PTPRD: variants seen among roughly 807,000 people sequenced by gnomAD.
PTPRD encodes receptor-type tyrosine-protein phosphatase delta.
PTPRD carries 34 observed loss-of-function variants against 214.5 expected under a neutral mutation model. That is an observed-to-expected ratio of 0.16 (90% confidence interval 0.12 to 0.21). The LOEUF (loss-of-function observed/expected upper bound fraction) is 0.21. PTPRD is among the 10% of genes least tolerant of loss of function. The pLI is 1.00. For synonymous variants in PTPRD, 1,128 were observed against 845.7 expected (o/e 1.33, Z -5.79); for missense variants, 2,545 against 2,398.7 (o/e 1.06, Z -1.27).
At chr9:9,912,947 T>A (rs2079626767) in intron 5 of PTPRD, among the ~76,000 whole-genome samples, 2 of 152,086 alleles carry the variant, frequency 1.3e-5, no homozygotes, top group African/African-American at 4.8e-5. Flanking sequence ...TGCTCTTCCT[T>A]CTCTCTTTCT....
chr9:9,457,774 A>AG (rs111945174), intron 8 of PTPRD, among the ~76,000 whole-genome samples: 23,088 of 151,878 alleles, frequency 0.15, 1,861 homozygotes, highest in Middle Eastern at 0.29. Context: ...CCCCAAATAC[A>AG]GGGGGAAGAT....
chr9:8,530,700 T>G (rs1350181031), intron 14 of PTPRD, among the ~76,000 whole-genome samples: 1 of 152,100 alleles, frequency 6.6e-6, no homozygotes, highest in Non-Finnish European at 1.5e-5. Flanking sequence ...TATCCTACTA[T>G]GCAGAACTTC....
At chr9:9,321,280 G>C (rs1332477857) in intron 9 of PTPRD, among the ~76,000 whole-genome samples, 1 of 152,184 alleles carries the variant, frequency 6.6e-6, no homozygotes, top group South Asian at 2.1e-4. Flanking sequence ...TCTGGGCTGG[G>C]TGCAGTGGCT....
At chr9:10,174,240 G>C (rs2099231485) in intron 3 of PTPRD, among the ~76,000 whole-genome samples, 1 of 152,134 alleles carries the variant, frequency 6.6e-6, no homozygotes, top group Non-Finnish European at 1.5e-5. Flanking sequence ...GAGATGTTTG[G>C]GTCCTGGGGG....
At chr9:8,432,145 C>T (rs2095099275) in intron 35 of PTPRD, among the ~76,000 whole-genome samples, 1 of 152,182 alleles carries the variant, frequency 6.6e-6, no homozygotes, top group Non-Finnish European at 1.5e-5. Flanking sequence ...AAAGATTCAC[C>T]AGCCTAATAT....
chr9:9,759,526 G>A (rs568922019), intron 6 of PTPRD, among the ~76,000 whole-genome samples: 40 of 149,294 alleles, frequency 2.7e-4, no homozygotes, highest in African/African-American at 9.9e-4. Flanking sequence ...AGAAAATGAT[G>A]CAAACATCTT....
intron 2 of PTPRD, among the ~76,000 whole-genome samples, chr9:10,387,110 C>G (rs1171584597): frequency 6.6e-6 from 1 of 151,810 alleles, no homozygotes; most frequent in Non-Finnish European, 1.5e-5. Flanking sequence ...GAAAGGATCA[C>G]AGCCCTACCT....
intron 2 of PTPRD, among the ~76,000 whole-genome samples, chr9:10,608,893 G>A (rs774837955): frequency 4.6e-5 from 7 of 151,794 alleles, no homozygotes; most frequent in Non-Finnish European, 7.4e-5. Context: ...TATTCTTTAC[G>A]GATGCCAAAT....
intron 12 of PTPRD, among the ~76,000 whole-genome samples, chr9:8,705,122 C>T (rs923200795): frequency 6.6e-6 from 1 of 152,060 alleles, no homozygotes; most frequent in African/African-American, 2.4e-5. Flanking sequence ...CAGTGTTGAC[C>T]ACTCCCTGAC....
At chr9:8,486,548 C>G (rs2097017634) in intron 27 of PTPRD, 199 bp from the exon 28 acceptor site, 3 of 701,620 alleles carry the variant, frequency 4.3e-6, no homozygotes, top group Non-Finnish European at 5.2e-6. Context: ...GGCTGAGATA[C>G]TAGAATTTGA....
intron 2 of PTPRD, among the ~76,000 whole-genome samples, chr9:10,577,172 G>T: frequency 6.6e-6 from 1 of 151,910 alleles, no homozygotes; most frequent in East Asian, 1.9e-4. Context: ...TGTCTTCATT[G>T]TTTAACAAGG....
intron 10 of PTPRD, among the ~76,000 whole-genome samples, chr9:9,031,591 A>C (rs1201922547): frequency 6.6e-6 from 1 of 152,078 alleles, no homozygotes; most frequent in Admixed American, 6.6e-5. Flanking sequence ...TTTCAGCTCT[A>C]TTATAATCTT....
At chr9:8,378,801 A>G (rs2084036895) in intron 37 of PTPRD, among the ~76,000 whole-genome samples, 1 of 152,114 alleles carries the variant, frequency 6.6e-6, no homozygotes, top group Non-Finnish European at 1.5e-5. Flanking sequence ...TAGACCTTCT[A>G]GTGAGGTAAG....
intron 12 of PTPRD, among the ~76,000 whole-genome samples, chr9:8,702,193 G>A (rs540200912): frequency 6.6e-6 from 1 of 151,868 alleles, no homozygotes; most frequent in African/African-American, 2.4e-5. Flanking sequence ...CAGTGGGTCA[G>A]CAGTTGGTCT....
chr9:9,244,675 T>C (rs1384034698), intron 9 of PTPRD, among the ~76,000 whole-genome samples: 1 of 152,060 alleles, frequency 6.6e-6, no homozygotes, highest in African/African-American at 2.4e-5. Flanking sequence ...CCAAAAACCA[T>C]AAAAACCCTA....
intron 9 of PTPRD, among the ~76,000 whole-genome samples, chr9:9,385,634 C>A (rs1445519285): frequency 6.6e-6 from 1 of 152,080 alleles, no homozygotes; most frequent in Non-Finnish European, 1.5e-5. Flanking sequence ...CCAGACTGGA[C>A]AAACCTTAGT....
rs754157644 is a variant in PTPRD, at chr9:8,341,854, C to T, written c.4786G>A (p.Val1596Ile). ...TLMRAQRNYMVQTEDQYIFIH... is the reference protein window; with the variant it reads ...TLMRAQRNYMIQTEDQYIFIH... ...AAGATGTATTGGTCTTCTGTTTGAACCATATAGTTCCTCTGGGCTCTCATT... is the reference window on the plus strand; with the variant it reads ...AAGATGTATTGGTCTTCTGTTTGAATCATATAGTTCCTCTGGGCTCTCATT... Residue 1596 changes from valine to isoleucine, a missense_variant, in exon 40 of 46, where the codon GTT becomes ATT. Physicochemically the swap from Val to Ile is conservative, Grantham distance 29 (BLOSUM62 3). Transcript: ENST00000381196. 1 of 1,613,350 alleles carries T rather than the reference C, an allele frequency of 6.2e-7. No individual in the cohort carries two copies. The highest frequency in any genetic ancestry group is 8.5e-7 in the Non-Finnish European group (1 of 1,179,692).
At chr9:9,136,022 C>G (rs1462851720) in intron 10 of PTPRD, among the ~76,000 whole-genome samples, 1 of 151,406 alleles carries the variant, frequency 6.6e-6, no homozygotes, top group African/African-American at 2.5e-5. Context: ...TACACACATG[C>G]ACACACACAT....
At chr9:9,472,601 A>C (rs2146591306) in intron 8 of PTPRD, among the ~76,000 whole-genome samples, 1 of 150,190 alleles carries the variant, frequency 6.7e-6, no homozygotes, top group African/African-American at 2.4e-5. Context: ...ACAGCATTTG[A>C]GGGAAAAAAA....
Sources: gnomAD v4.1 joint callset for allele counts (sites outside exome capture counted in the v4.1 genomes callset) on GRCh38, gnomAD v4.1.1 for gene constraint, MANE v1.5 for transcripts, NCBI Gene and HGNC (gene_info 2026-07-23, HGNC 2026-07-21) for gene names.